NKAIN2: variants seen among roughly 807,000 people sequenced by gnomAD.
The protein encoded by NKAIN2 is sodium/potassium-transporting ATPase subunit beta-1-interacting protein 2.
Under a neutral mutation model 32.6 loss-of-function variants are expected in NKAIN2, and 14 were observed. That is an observed-to-expected ratio of 0.43 (90% confidence interval 0.28 to 0.67). NKAIN2 has a LOEUF of 0.67. Among genes scored for constraint, NKAIN2 ranks in the 30% least tolerant of loss-of-function variants. The pLI is 0.17. For missense variants in NKAIN2, 198 were observed against 258.3 expected, an observed-to-expected ratio of 0.77 and a Z score of 1.60; for synonymous variants, 80 against 87.2, an observed-to-expected ratio of 0.92 and a Z score of 0.46.
chr6:124,325,187 A>AT (rs1285215942), intron 2 of NKAIN2, among the ~76,000 whole-genome samples: 3 of 152,138 alleles, frequency 2.0e-5, no homozygotes, highest in African/African-American at 7.2e-5. Flanking sequence ...GGCTCAGACA[A>AT]TTGCACTGGA....
intron 1 of NKAIN2, among the ~76,000 whole-genome samples, chr6:124,128,919 A>T (rs1256226906): frequency 6.6e-6 from 1 of 152,186 alleles, no homozygotes; most frequent in Non-Finnish European, 1.5e-5. Flanking sequence ...AGTGCCAGTG[A>T]AACTTTGGTG....
intron 2 of NKAIN2, among the ~76,000 whole-genome samples, chr6:124,321,060 A>C (rs965002479): frequency 2.6e-5 from 4 of 152,174 alleles, no homozygotes; most frequent in Non-Finnish European, 1.5e-5. Flanking sequence ...AACACAAATA[A>C]GTGTTTTATA....
intron 3 of NKAIN2, among the ~76,000 whole-genome samples, chr6:124,471,285 A>G (rs1248175945): frequency 1.3e-5 from 2 of 152,188 alleles, no homozygotes; most frequent in Non-Finnish European, 2.9e-5. Flanking sequence ...TTCTAAATAC[A>G]TAATAAAAAT....
chr6:124,283,377 A>C (rs1795392832), intron 2 of NKAIN2: 1 of 308,002 alleles, frequency 3.2e-6, no homozygotes, highest in Non-Finnish European at 6.0e-6. Flanking sequence ...TTGTACTTTC[A>C]GCGAATAGTC....
At chr6:124,004,894 AG>A (rs1490559237) in intron 1 of NKAIN2, among the ~76,000 whole-genome samples, 7 of 122,754 alleles carry the variant, frequency 5.7e-5, no homozygotes, top group African/African-American at 2.5e-4. Context: ...CAACAAAAAA[AG>A]AAAGTAAAAA....
rs35522678 is a variant in NKAIN2, at chr6:124,672,000, G to A, written c.474+13614G>A. ...ATATTTTAATGTTTTTCCTGTCAATGAGCCCATTTTAAAAAACAAAAAAGA... is the reference window on the plus strand; with the variant it reads ...ATATTTTAATGTTTTTCCTGTCAATAAGCCCATTTTAAAAAACAAAAAAGA... On this transcript the variant is annotated intron_variant, in intron 4 of 6. Transcript: ENST00000368417. 3.8e-3 allele frequency among the ~76,000 whole-genome samples: 583 copies of A among 151,790 alleles called. 3 individuals carry two copies. Among genetic ancestry groups the A allele is most frequent in the African/African-American group, 0.013 (556 of 41,390 alleles).
intron 1 of NKAIN2, among the ~76,000 whole-genome samples, chr6:124,117,366 TGTACAGGAAGAAC>T (rs1308617884): frequency 6.6e-6 from 1 of 152,180 alleles, no homozygotes; most frequent in Non-Finnish European, 1.5e-5. Flanking sequence ...TATTTTTGAT[TGTACAGGAAGAAC>T]GCAGCAAGGC....
At chr6:123,862,040 T>C (rs1004007134) in intron 1 of NKAIN2, among the ~76,000 whole-genome samples, 2 of 152,210 alleles carry the variant, frequency 1.3e-5, no homozygotes, top group Non-Finnish European at 2.9e-5. Context: ...ACCACTGACA[T>C]TCTTCTAAAG....
intron 1 of NKAIN2, among the ~76,000 whole-genome samples, chr6:124,280,915 G>A (rs1041469242): frequency 6.6e-6 from 1 of 152,134 alleles, no homozygotes; most frequent in African/African-American, 2.4e-5. Flanking sequence ...AAGAATTACA[G>A]ATTAGCTTGT....
At chr6:124,352,980 A>ACT (rs1798797939) in intron 2 of NKAIN2, among the ~76,000 whole-genome samples, 1 of 152,194 alleles carries the variant, frequency 6.6e-6, no homozygotes, top group Non-Finnish European at 1.5e-5. Flanking sequence ...TCCTTTAGAA[A>ACT]ACAGTTTTGA....
chr6:124,269,704 G>A (rs774098493), intron 1 of NKAIN2, among the ~76,000 whole-genome samples: 25 of 152,070 alleles, frequency 1.6e-4, no homozygotes, highest in African/African-American at 2.6e-4. Flanking sequence ...CTGACCTCAG[G>A]TGATCCAACG....
chr6:124,545,239 G>A (rs1383705823), intron 3 of NKAIN2, among the ~76,000 whole-genome samples: 2 of 152,154 alleles, frequency 1.3e-5, no homozygotes, highest in African/African-American at 4.8e-5. Flanking sequence ...ATGGAAGCTG[G>A]AAGCTTTTTG....
intron 4 of NKAIN2, among the ~76,000 whole-genome samples, chr6:124,736,181 T>A (rs1335868082): frequency 6.6e-6 from 1 of 151,924 alleles, no homozygotes; most frequent in African/African-American, 2.4e-5. Flanking sequence ...GTGGTCAGGA[T>A]AGATCAAAAC....
At chr6:124,583,146 G>A (rs1311440864) in intron 3 of NKAIN2, among the ~76,000 whole-genome samples, 1 of 150,758 alleles carries the variant, frequency 6.6e-6, no homozygotes, top group Admixed American at 6.6e-5. Flanking sequence ...AAATAAAGGT[G>A]TCCAAATTGG....
chr6:124,115,336 C>T (rs561236260), intron 1 of NKAIN2, among the ~76,000 whole-genome samples: 72 of 152,206 alleles, frequency 4.7e-4, no homozygotes, highest in Middle Eastern at 3.4e-3. Flanking sequence ...GGCTGCTCCT[C>T]TTTACAAGCA....
intron 1 of NKAIN2, among the ~76,000 whole-genome samples, chr6:124,178,912 C>G (rs1369754947): frequency 6.6e-6 from 1 of 152,092 alleles, no homozygotes; most frequent in Non-Finnish European, 1.5e-5. Context: ...AAAATCAAGG[C>G]CTCTAAATGT....
chr6:124,736,016 C>T (rs371535740), intron 4 of NKAIN2, among the ~76,000 whole-genome samples: 4 of 151,908 alleles, frequency 2.6e-5, no homozygotes, highest in African/African-American at 9.6e-5. Context: ...AGAAGGCATG[C>T]CAAAAGTCAA....
chr6:124,672,259 C>T (rs1773144559), intron 4 of NKAIN2, among the ~76,000 whole-genome samples: 1 of 152,036 alleles, frequency 6.6e-6, no homozygotes, highest in South Asian at 2.1e-4. Flanking sequence ...TCACTGTCAT[C>T]ATCAAGGGGA....
intron 4 of NKAIN2, among the ~76,000 whole-genome samples, chr6:124,725,985 C>T (rs964918127): frequency 1.1e-4 from 17 of 152,196 alleles, no homozygotes; most frequent in African/African-American, 4.1e-4. Context: ...CACCCGAATA[C>T]TGCGCTTTTC....
Sources: gnomAD v4.1 joint callset for allele counts (sites outside exome capture counted in the v4.1 genomes callset) on GRCh38, gnomAD v4.1.1 for gene constraint, MANE v1.5 for transcripts, NCBI Gene and HGNC (gene_info 2026-07-23, HGNC 2026-07-21) for gene names.